The following KCNIP1 variants were observed in gnomAD, a reference collection of about 807,000 sequenced individuals.
The protein encoded by KCNIP1 is potassium voltage-gated channel interacting protein 1.
KCNIP1 carries 18 observed loss-of-function variants against 33.0 expected under a neutral mutation model. That is an observed-to-expected ratio of 0.55 (90% CI 0.38 to 0.81). KCNIP1 has a LOEUF of 0.81. KCNIP1 is among the 30% of genes least tolerant of loss of function. KCNIP1 has a pLI of 0.00. For missense variants in KCNIP1, 238 were observed against 271.6 expected (o/e 0.88, Z 0.87); for synonymous variants, 93 against 98.3 (o/e 0.95, Z 0.32).
intron 1 of KCNIP1, among the ~76,000 whole-genome samples, chr5:170,700,519 T>C (rs1046406446): frequency 6.6e-6 from 1 of 152,126 alleles, no homozygotes; most frequent in African/African-American, 2.4e-5. Context: ...TGGTAAGCCG[T>C]GATTGCCCCA....
At chr5:170,577,293 C>A (rs762352387) in intron 1 of KCNIP1, among the ~76,000 whole-genome samples, 21 of 152,298 alleles carry the variant, frequency 1.4e-4, no homozygotes, top group Admixed American at 2.6e-4. Context: ...AACTGAAGAA[C>A]AACATGGTAA....
intron 1 of KCNIP1, among the ~76,000 whole-genome samples, chr5:170,505,151 TC>T (rs2113239450): frequency 6.6e-6 from 1 of 152,216 alleles, no homozygotes; most frequent in African/African-American, 2.4e-5. Flanking sequence ...GGGGTAAAAC[TC>T]CCAGGCCTCA....
intron 1 of KCNIP1, among the ~76,000 whole-genome samples, chr5:170,586,737 T>G (rs1162080185): frequency 6.6e-6 from 1 of 152,262 alleles, no homozygotes; most frequent in African/African-American, 2.4e-5. Flanking sequence ...CTCTTGTCAG[T>G]ATATTTCTGA....
intron 1 of KCNIP1, among the ~76,000 whole-genome samples, chr5:170,594,747 G>C (rs1406767411): frequency 6.6e-6 from 1 of 152,140 alleles, no homozygotes. Context: ...CTGACCTCAG[G>C]TGATCCACCC....
At chr5:170,733,676 C>G (rs898380650) in intron 6 of KCNIP1, among the ~76,000 whole-genome samples, 160 bp from the exon 7 acceptor site, 1 of 152,070 alleles carries the variant, frequency 6.6e-6, no homozygotes, top group South Asian at 2.1e-4. Flanking sequence ...AGTTGTCTGG[C>G]CAGTGAAAGA....
intron 1 of KCNIP1, among the ~76,000 whole-genome samples, chr5:170,618,519 G>A (rs1309518425): frequency 9.4e-6 from 1 of 106,446 alleles, no homozygotes; most frequent in African/African-American, 3.8e-5. Context: ...AGGAAGGAAG[G>A]GAGGGAGGGA....
At chr5:170,587,949 G>A (rs1758061127) in intron 1 of KCNIP1, among the ~76,000 whole-genome samples, 1 of 152,180 alleles carries the variant, frequency 6.6e-6, no homozygotes, top group Non-Finnish European at 1.5e-5. Flanking sequence ...CACAGTAGAG[G>A]CCATGGATAT....
At chr5:170,445,737 T>C (rs960570050) in intron 1 of KCNIP1, among the ~76,000 whole-genome samples, 1 of 152,016 alleles carries the variant, frequency 6.6e-6, no homozygotes, top group South Asian at 2.1e-4. Context: ...CTTCTCACTA[T>C]CCCCCGCTCC....
At chr5:170,681,446 T>C (rs1387921592) in intron 1 of KCNIP1, 1 of 281,258 alleles carries the variant, frequency 3.6e-6, no homozygotes, top group East Asian at 6.0e-5. Flanking sequence ...CATGTGAGTC[T>C]TGATGGATTA....
intron 1 of KCNIP1, among the ~76,000 whole-genome samples, chr5:170,473,610 C>CAG: frequency 6.6e-6 from 1 of 152,136 alleles, no homozygotes; most frequent in Non-Finnish European, 1.5e-5. Context: ...AGCACCAGGG[C>CAG]CCCTGGCAGC....
intron 1 of KCNIP1, among the ~76,000 whole-genome samples, chr5:170,684,847 A>AGTTACACTTT (rs1762485169): frequency 6.6e-6 from 1 of 152,190 alleles, no homozygotes; most frequent in Non-Finnish European, 1.5e-5. Context: ...CTGCAGATAT[A>AGTTACACTTT]GTTACACTTT....
At chr5:170,367,697 ACT>A (rs1225289906) in intron 1 of KCNIP1, among the ~76,000 whole-genome samples, 1 of 151,728 alleles carries the variant, frequency 6.6e-6, no homozygotes, top group Non-Finnish European at 1.5e-5. Context: ...CTCCCTTTCC[ACT>A]CTCAGAACCG....
chr5:170,561,394 G>A lies in KCNIP1; in HGVS notation c.61+56761G>A, dbSNP rs77174483. Among the ~76,000 whole-genome samples, 28 of 152,280 alleles carry A rather than the reference G, an allele frequency of 1.8e-4. No individual in the cohort carries two copies. The East Asian group carries it at 4.6e-3, about 25-fold the overall frequency. On this transcript the variant is annotated intron_variant, in intron 1 of 7. Coordinates refer to ENST00000328939, the MANE Select transcript of KCNIP1 (RefSeq NM_014592.4). ...GCTAAAGTGGCTTTAAGAGCACTCC[G>A]GAGGGGGAGGACTCTTGGAACAGAG...
intron 1 of KCNIP1, among the ~76,000 whole-genome samples, chr5:170,486,710 T>A (rs1174346667): frequency 6.6e-6 from 1 of 152,134 alleles, no homozygotes; most frequent in East Asian, 1.9e-4. Context: ...CAATCAAAAA[T>A]AACCCAACTA....
Position 170,641,835 on chromosome 5 carries a change from G to A in KCNIP1, c.62-76923G>A, listed in dbSNP as rs368995926. On this transcript the variant is annotated intron_variant, in intron 1 of 7. Coordinates refer to ENST00000328939, the MANE Select transcript of KCNIP1 (RefSeq NM_014592.4). The stretch of plus-strand genomic sequence containing the variant: ...CTGAGACCTACTGGCATGGGATGGA[G>A]GAGTGCAGGGAGCTTCCCGGGACCT... 1.0e-3 allele frequency among the ~76,000 whole-genome samples: 153 copies of A among 152,304 alleles called. 1 individual carries two copies. Among genetic ancestry groups the A allele is most frequent in the African/African-American group, 3.5e-3 (147 of 41,556 alleles).
chr5:170,722,015 C>A, intron 4 of KCNIP1, 112 bp downstream of exon 4: 2 of 1,238,068 alleles, frequency 1.6e-6, no homozygotes, highest in Admixed American at 2.1e-5. Context: ...TCAGTCAGAC[C>A]AAAGACATGT....
chr5:170,520,161 G>A (rs982985905), intron 1 of KCNIP1, among the ~76,000 whole-genome samples: 1 of 152,134 alleles, frequency 6.6e-6, no homozygotes, highest in East Asian at 1.9e-4. Flanking sequence ...ACACTGTGCT[G>A]GGCACTGCCC....
At chr5:170,413,021 G>A (rs1755238264) in intron 1 of KCNIP1, among the ~76,000 whole-genome samples, 1 of 152,202 alleles carries the variant, frequency 6.6e-6, no homozygotes, top group Admixed American at 6.5e-5. Flanking sequence ...TTGCACACAG[G>A]CAGTATCCTC....
intron 1 of KCNIP1, among the ~76,000 whole-genome samples, chr5:170,392,237 C>T (rs1283410371): frequency 1.3e-5 from 2 of 152,184 alleles, no homozygotes; most frequent in Non-Finnish European, 2.9e-5. Flanking sequence ...GTTCCAGCCC[C>T]CAGCCTGCCA....
Sources: allele counts gnomAD v4.1 joint callset (sites outside exome capture counted in the v4.1 genomes callset), GRCh38; gene constraint gnomAD v4.1.1; transcripts MANE v1.5; gene names NCBI Gene and HGNC (gene_info 2026-07-23, HGNC 2026-07-21).